Variants in LARP4 observed in about 807,000 individuals in gnomAD.
LARP4 encodes the protein La ribonucleoprotein 4.
LARP4 carries 29 observed loss-of-function variants against 92.9 expected under a neutral mutation model. The observed-to-expected ratio is 0.31, with a 90% CI of 0.23 to 0.43. The LOEUF (loss-of-function observed/expected upper bound fraction) is 0.43. Ranked by LOEUF, LARP4 falls within the 20% of genes least tolerant of loss-of-function variation. The pLI is 1.00. For synonymous variants in LARP4, 279 were observed against 284.1 expected (o/e 0.98, Z 0.18); for missense variants, 732 against 860.0 (o/e 0.85, Z 1.86).
chr12:50,412,408 T>C (rs1250799907), intron 1 of LARP4: 1 of 975,186 alleles, frequency 1.0e-6, no homozygotes, highest in Admixed American at 6.2e-5. Flanking sequence ...TTTACAGCAT[T>C]TATGGGGTTA....
rs1957581483 is a variant in LARP4, at chr12:50,477,003, T to A, written c.*1139T>A. On this transcript the variant is annotated 3_prime_UTR_variant, in exon 16 of 16. Coordinates refer to ENST00000398473, the MANE Select transcript of LARP4 (RefSeq NM_052879.5). ...TAGTAACTGACTCTTAAGTGTTAAA[T>A]AATGTAGAAGTAAAAAAATTTTTTT... is the stretch of plus-strand genomic sequence containing the variant. The A allele has an allele frequency of 6.6e-6, 1 of 152,402 alleles. No homozygotes were observed. The highest frequency in any genetic ancestry group is 1.5e-5 in the Non-Finnish European group (1 of 68,024). The allele number at this position is 152,402 out of a possible 1,614,324, so 9.4% of individuals were successfully genotyped here. A position where few individuals can be genotyped will look rare whatever the true frequency, so the allele number is the denominator to read the frequency against.
At chr12:50,441,475 A>T in intron 7 of LARP4, 115 bp from the exon 8 acceptor site, 2 of 654,404 alleles carry the variant, frequency 3.1e-6, no homozygotes, top group Non-Finnish European at 5.2e-6. Flanking sequence ...TGCACAGTGG[A>T]ATCACCTACA....
At chr12:50,443,322 G>A (rs1267407249) in intron 8 of LARP4, among the ~76,000 whole-genome samples, 1 of 152,096 alleles carries the variant, frequency 6.6e-6, no homozygotes, top group African/African-American at 2.4e-5. Flanking sequence ...CTAGGCTCGA[G>A]TGCAGGGGCA....
chr12:50,456,445 GCTTCTAAAAAGTGACTA>G (rs572300577), intron 10 of LARP4, among the ~76,000 whole-genome samples: 137 of 152,124 alleles, frequency 9.0e-4, no homozygotes, highest in African/African-American at 2.7e-3. Flanking sequence ...TTTCCTTCTT[GCTTCTAAAAAGTGACTA>G]CTTCTAAAAA....
intron 6 of LARP4, among the ~76,000 whole-genome samples, chr12:50,439,904 G>C (rs755617273): frequency 3.3e-5 from 5 of 152,094 alleles, no homozygotes; most frequent in Admixed American, 6.6e-5. Context: ...TTACGGAAAA[G>C]AGAAGATATG....
chr12:50,439,710 T>A (rs190231669), intron 6 of LARP4, among the ~76,000 whole-genome samples: 1 of 152,308 alleles, frequency 6.6e-6, no homozygotes, highest in African/African-American at 2.4e-5. Flanking sequence ...GCATTTGACC[T>A]TTGCTATTTC....
chr12:50,454,166 T>G, intron 9 of LARP4, 148 bp from the exon 10 acceptor site: 1 of 579,732 alleles, frequency 1.7e-6, no homozygotes, highest in Non-Finnish European at 3.0e-6. Context: ...GTACTTGAAG[T>G]GAATATTGCA....
chr12:50,470,677 A>C (rs911121725), intron 13 of LARP4, among the ~76,000 whole-genome samples: 1 of 152,090 alleles, frequency 6.6e-6, no homozygotes, highest in Admixed American at 6.6e-5. Context: ...CAGGTGAGCC[A>C]CCGTGCCCGG....
rs758206229 is a variant in LARP4 at position 50,462,604 on chromosome 12, AGAC to A, written c.1363_1365del (p.Arg455del). ...AAGGAGAACTCTCTTCAGAGGTCGA[AGAC>A]GACGAGAAGATGACAGGATCTCAGT... On this transcript the variant is annotated inframe_deletion, in exon 12 of 16. Transcript: ENST00000398473. The A allele has an allele frequency of 9.4e-6, 15 of 1,593,904 alleles. No individual in the cohort carries two copies. In the South Asian group the frequency reaches 1.0e-4, roughly 11 times the overall value.
chr12:50,408,277 A>G (rs1945216670), intron 1 of LARP4, among the ~76,000 whole-genome samples: 1 of 134,034 alleles, frequency 7.5e-6, no homozygotes, highest in South Asian at 2.4e-4. Flanking sequence ...AGCTCACTGC[A>G]ACCTCCGCCT....
chr12:50,449,953 G>A (rs1199957783), intron 8 of LARP4, among the ~76,000 whole-genome samples: 1 of 32,148 alleles, frequency 3.1e-5, no homozygotes, highest in Non-Finnish European at 5.2e-5. Flanking sequence ...TTTTTTTTTT[G>A]AGATGGAGTT....
chr12:50,418,623 G>A (rs963777685), intron 1 of LARP4, among the ~76,000 whole-genome samples: 2 of 151,672 alleles, frequency 1.3e-5, no homozygotes, highest in Admixed American at 1.3e-4. Context: ...GTTGTGCCAC[G>A]TTGCCCAGGC....
chr12:50,449,001 G>T (rs911531678), intron 8 of LARP4, among the ~76,000 whole-genome samples: 1 of 151,818 alleles, frequency 6.6e-6, no homozygotes, highest in African/African-American at 2.4e-5. Context: ...TGTAATTCCA[G>T]CACTTTGGCA....
At chr12:50,408,614 A>G (rs1334847110) in intron 1 of LARP4, among the ~76,000 whole-genome samples, 3 of 152,202 alleles carry the variant, frequency 2.0e-5, no homozygotes, top group African/African-American at 7.2e-5. Context: ...ACTGACTAGC[A>G]GGTAAGATGA....
intron 1 of LARP4, among the ~76,000 whole-genome samples, chr12:50,408,187 C>CTTTT (rs71083565): frequency 8.7e-5 from 6 of 69,262 alleles, no homozygotes; most frequent in Admixed American, 7.5e-4. Flanking sequence ...GGATTTTCTG[C>CTTTT]TTTTTTTTTT....
At chr12:50,463,843 C>T (rs1446890818) in intron 12 of LARP4, among the ~76,000 whole-genome samples, 2 of 152,136 alleles carry the variant, frequency 1.3e-5, no homozygotes, top group Admixed American at 6.6e-5. Context: ...GCTCCAGCCC[C>T]GTATTTCCCC....
chr12:50,457,904 A>G lies in LARP4; in HGVS notation c.1122-3231A>G, dbSNP rs140338763. ...TTGTAATATAAAGTAATTCTATGGC[A>G]AAGTGTCACTTTATGTGAAACTCAA... On this transcript the variant is annotated intron_variant, in intron 10 of 15. Coordinates refer to ENST00000398473, the MANE Select transcript of LARP4 (RefSeq NM_052879.5). 4.1e-3 allele frequency among the ~76,000 whole-genome samples: 615 copies of G among 151,648 alleles called. 5 individuals are homozygous for G. Among genetic ancestry groups the G allele is most frequent in the African/African-American group, 0.014 (577 of 41,416 alleles).
chr12:50,425,048 G>A (rs1164717948), intron 1 of LARP4, among the ~76,000 whole-genome samples: 1 of 152,110 alleles, frequency 6.6e-6, no homozygotes, highest in Non-Finnish European at 1.5e-5. Context: ...TCAGGAGGCT[G>A]AGGCAGGAGA....
chr12:50,463,358 C>T (rs535242258), intron 12 of LARP4, among the ~76,000 whole-genome samples: 9 of 129,968 alleles, frequency 6.9e-5, no homozygotes, highest in East Asian at 2.3e-4. Flanking sequence ...CTGAGATGTA[C>T]GGATCACTTG....
Sources: allele counts gnomAD v4.1 joint callset (sites outside exome capture counted in the v4.1 genomes callset), GRCh38; gene constraint gnomAD v4.1.1; transcripts MANE v1.5; gene names NCBI Gene and HGNC (gene_info 2026-07-23, HGNC 2026-07-21).